EPHA6: variants seen among roughly 807,000 people sequenced by gnomAD.
EPHA6 encodes the protein EPH receptor A6, also known as ephrin type-A receptor 6.
EPHA6 carries 50 observed loss-of-function variants against 112.0 expected under a neutral mutation model. That is an observed-to-expected ratio of 0.45 (90% CI 0.36 to 0.56). EPHA6 has a LOEUF of 0.56. EPHA6 is among the 20% of genes least tolerant of loss of function. The pLI, the probability that EPHA6 is intolerant of heterozygous loss-of-function variation, is 0.00. For synonymous variants in EPHA6, 529 were observed against 490.7 expected (o/e 1.08, Z -1.03); for missense variants, 1,280 against 1,417.4 (o/e 0.90, Z 1.56).
intron 2 of EPHA6, among the ~76,000 whole-genome samples, chr3:96,954,226 C>T (rs548307144): frequency 3.3e-5 from 5 of 152,036 alleles, no homozygotes; most frequent in Admixed American, 2.0e-4. Flanking sequence ...AGACAGCCAG[C>T]GGAATGACCC....
intron 3 of EPHA6, among the ~76,000 whole-genome samples, chr3:97,187,673 AAG>A (rs374627548): frequency 0.054 from 5,769 of 105,956 alleles, 183 homozygotes; most frequent in African/African-American, 0.11. Context: ...GAAAGAAAGA[AAG>A]AGAAAGAAAG....
At chr3:96,883,571 C>T (rs1438079783) in intron 2 of EPHA6, among the ~76,000 whole-genome samples, 1 of 152,134 alleles carries the variant, frequency 6.6e-6, no homozygotes, top group Non-Finnish European at 1.5e-5. Flanking sequence ...GTCCTTAATG[C>T]ATCTTGAGTT....
chr3:97,015,481 C>T (rs138820633), intron 3 of EPHA6, among the ~76,000 whole-genome samples: 8 of 152,134 alleles, frequency 5.3e-5, no homozygotes, highest in African/African-American at 1.7e-4. Context: ...TTTTCAATGT[C>T]AAACTAAATA....
At chr3:97,628,780 T>C (rs1257256689) in intron 13 of EPHA6, among the ~76,000 whole-genome samples, 1 of 152,038 alleles carries the variant, frequency 6.6e-6, no homozygotes, top group African/African-American at 2.4e-5. Context: ...TTATTAATAA[T>C]GAGAGCTGTA....
intron 3 of EPHA6, among the ~76,000 whole-genome samples, chr3:97,040,142 A>T (rs1212041515): frequency 6.6e-6 from 1 of 151,550 alleles, no homozygotes; most frequent in Admixed American, 6.6e-5. Flanking sequence ...TTTGCTATTT[A>T]TTACAAATAC....
intron 11 of EPHA6, among the ~76,000 whole-genome samples, chr3:97,574,622 C>T (rs1003154855): frequency 1.3e-5 from 2 of 152,128 alleles, no homozygotes; most frequent in East Asian, 3.9e-4. Context: ...GGGAAAAATA[C>T]TGCAATATTT....
chr3:97,420,814 A>G (rs2088556617), intron 6 of EPHA6, among the ~76,000 whole-genome samples: 1 of 151,270 alleles, frequency 6.6e-6, no homozygotes, highest in Non-Finnish European at 1.5e-5. Flanking sequence ...AACCAACCAA[A>G]CCAGCTAAGT....
At chr3:97,695,349 A>G (rs776215939) in intron 14 of EPHA6, among the ~76,000 whole-genome samples, 7 of 152,234 alleles carry the variant, frequency 4.6e-5, no homozygotes, top group Non-Finnish European at 8.8e-5. Flanking sequence ...AGGTTGTAAA[A>G]GCACTGTCAA....
chr3:97,660,608 G>A (rs995329940), intron 14 of EPHA6, among the ~76,000 whole-genome samples: 1 of 151,952 alleles, frequency 6.6e-6, no homozygotes, highest in Non-Finnish European at 1.5e-5. Context: ...ACATCATTCT[G>A]TGAGCTCGCT....
chr3:96,942,201 CT>C (rs2040997936), intron 2 of EPHA6, among the ~76,000 whole-genome samples: 1 of 152,212 alleles, frequency 6.6e-6, no homozygotes, highest in African/African-American at 2.4e-5. Flanking sequence ...TGTCTGTGCC[CT>C]GCCCCCAGAG....
At chr3:97,152,867 G>A (rs190690729) in intron 3 of EPHA6, among the ~76,000 whole-genome samples, 32 of 152,094 alleles carry the variant, frequency 2.1e-4, no homozygotes, top group East Asian at 1.7e-3. Context: ...CAGCATTTTC[G>A]TTAATTACTC....
chr3:97,345,184 C>T (rs2108873304), intron 5 of EPHA6, among the ~76,000 whole-genome samples: 1 of 152,156 alleles, frequency 6.6e-6, no homozygotes, highest in African/African-American at 2.4e-5. Flanking sequence ...GTAAAGGTAT[C>T]TAGTGAATGT....
chr3:97,409,996 T>A (rs2087607552), intron 6 of EPHA6, among the ~76,000 whole-genome samples: 1 of 152,094 alleles, frequency 6.6e-6, no homozygotes. Context: ...GTTGTGACAC[T>A]GAGGACAGTG....
At chr3:97,069,692 C>G (rs1368195708) in intron 3 of EPHA6, among the ~76,000 whole-genome samples, 2 of 151,968 alleles carry the variant, frequency 1.3e-5, no homozygotes, top group African/African-American at 2.4e-5. Context: ...TAAAGTGTTT[C>G]TGGCAAAATA....
chr3:96,987,253 A>C, intron 2 of EPHA6, 77 bp from the exon 3 acceptor site: 1 of 1,352,770 alleles, frequency 7.4e-7, no homozygotes, highest in Non-Finnish European at 1.0e-6. Context: ...TGGTAAAACA[A>C]AAAAAATTGT....
chr3:97,163,884 G>T (rs1318793813), intron 3 of EPHA6, among the ~76,000 whole-genome samples: 1 of 152,166 alleles, frequency 6.6e-6, no homozygotes, highest in Non-Finnish European at 1.5e-5. Context: ...CCCTGAAAAA[G>T]CTGGGAGTAT....
chr3:97,527,918 C>T (rs2092643611), intron 10 of EPHA6, among the ~76,000 whole-genome samples: 1 of 152,014 alleles, frequency 6.6e-6, no homozygotes, highest in Non-Finnish European at 1.5e-5. Context: ...AAGAATGTTT[C>T]CTGTAAGGCT....
intron 7 of EPHA6, among the ~76,000 whole-genome samples, chr3:97,461,456 G>A (rs2090886938): frequency 1.3e-5 from 2 of 152,114 alleles, no homozygotes; most frequent in African/African-American, 4.8e-5. Flanking sequence ...AGTATACAGT[G>A]ATTCAATGCA....
intron 3 of EPHA6, among the ~76,000 whole-genome samples, chr3:97,196,352 T>C (rs1576662943): frequency 1.3e-5 from 2 of 152,120 alleles, no homozygotes; most frequent in Middle Eastern, 3.4e-3. Flanking sequence ...ATCTATTCAA[T>C]AAACTTATCT....
Sources: gnomAD v4.1 joint callset for allele counts (sites outside exome capture counted in the v4.1 genomes callset) on GRCh38, gnomAD v4.1.1 for gene constraint, MANE v1.5 for transcripts, NCBI Gene and HGNC (gene_info 2026-07-23, HGNC 2026-07-21) for gene names.